Variants in ADGRE1 observed in about 807,000 individuals in gnomAD.
ADGRE1 encodes the protein EGF-like module receptor 1.
Under a neutral mutation model 102.7 loss-of-function variants are expected in ADGRE1, and 82 were observed. The ratio of observed to expected loss-of-function variants is 0.80; its 90% confidence interval spans 0.67 to 0.96. The LOEUF (loss-of-function observed/expected upper bound fraction) is 0.96, where lower values mean the gene tolerates loss of function less well. Among genes scored for constraint, ADGRE1 ranks in the 40% least tolerant of loss-of-function variants. The pLI, the probability that ADGRE1 is intolerant of heterozygous loss-of-function variation, is 0.00. For synonymous variants in ADGRE1, 398 were observed against 399.6 expected (o/e 1.00, Z 0.05); for missense variants, 1,032 against 1,085.3 (o/e 0.95, Z 0.69).
intron 20 of ADGRE1, among the ~76,000 whole-genome samples, chr19:6,938,886 C>T (rs1362679325): frequency 1.3e-5 from 2 of 151,072 alleles, no homozygotes; most frequent in African/African-American, 2.4e-5. Flanking sequence ...ACCTCTGCCT[C>T]CTGGGTTCAA....
intron 10 of ADGRE1, among the ~76,000 whole-genome samples, chr19:6,910,027 T>A (rs753194717): frequency 1.3e-5 from 2 of 152,046 alleles, no homozygotes; most frequent in Admixed American, 1.3e-4. Flanking sequence ...AGCCACCAAG[T>A]CTAGCCAAAA....
rs747103871 is a variant in ADGRE1, at chr19:6,890,489, G to A, written c.40G>A (p.Val14Ile). The change falls in exon 2 of 21, where the codon GTT (valine) becomes ATT (isoleucine). Residue 14 changes from valine (V) to isoleucine (I), a missense_variant. Coordinates refer to ENST00000312053, the MANE Select transcript of ADGRE1 (RefSeq NM_001974.5). The part of the protein sequence containing the change: ...FNLLLFWGCC[V>I]MHSWEGHIRP... ...CTTTTCTTTCTTCACAGGATGTTGT[G>A]TTATGCACAGCTGGGAAGGGCACAT... 4 of 1,441,354 alleles carry A rather than the reference G, an allele frequency of 2.8e-6. No homozygotes were observed. The highest frequency in any genetic ancestry group is 1.6e-5 in the African/African-American group (1 of 61,500). 89.3% of individuals were successfully genotyped at this position (1,441,354 alleles called of 1,614,324 possible).
intron 12 of ADGRE1, among the ~76,000 whole-genome samples, chr19:6,917,174 A>C (rs1386057817): frequency 6.6e-6 from 1 of 152,238 alleles, no homozygotes; most frequent in Non-Finnish European, 1.5e-5. Flanking sequence ...AGTAGGTGAC[A>C]ACCAGATTGG....
chr19:6,939,950 T>C, intron 20 of ADGRE1, 74 bp from the exon 21 acceptor site: 1 of 1,507,620 alleles, frequency 6.6e-7, no homozygotes, highest in Non-Finnish European at 9.2e-7. Flanking sequence ...TCTGTCCCTG[T>C]AGACATGACC....
At chr19:6,901,111 C>T (rs1973750269) in intron 5 of ADGRE1, among the ~76,000 whole-genome samples, 1 of 152,188 alleles carries the variant, frequency 6.6e-6, no homozygotes, top group South Asian at 2.1e-4. Context: ...GTAGAGTATG[C>T]TCTTTCTTTT....
intron 14 of ADGRE1, among the ~76,000 whole-genome samples, chr19:6,922,304 G>T (rs1242112713): frequency 2.0e-5 from 3 of 152,094 alleles, no homozygotes; most frequent in African/African-American, 7.2e-5. Context: ...AATGGGTCAA[G>T]AAGAAATGCT....
Position 6,915,679 on chromosome 19 carries a change from T to A in ADGRE1, c.1301-570T>A, listed in dbSNP as rs552848818. 5.9e-5 allele frequency among the ~76,000 whole-genome samples: 9 copies of A among 152,064 alleles called. No individual in the cohort carries two copies. In the South Asian group the frequency reaches 1.7e-3, roughly 28 times the overall value. The stretch of plus-strand genomic sequence containing the variant: ...GCTCACACCTGTAATCCTAGCACTT[T>A]GGGAGGCCGAGGCAGGTGGATCACA... On this transcript the variant is annotated intron_variant, in intron 11 of 20. Transcript: ENST00000312053.
intron 20 of ADGRE1, 38 bp downstream of exon 20, chr19:6,937,686 G>A: frequency 6.3e-7 from 1 of 1,597,786 alleles, no homozygotes; most frequent in Non-Finnish European, 8.6e-7. Context: ...GCTGGTCGAG[G>A]GAGGTGCCGG....
At chr19:6,933,966 T>TC (rs1217776534) in intron 17 of ADGRE1, among the ~76,000 whole-genome samples, 3 of 152,122 alleles carry the variant, frequency 2.0e-5, no homozygotes, top group Admixed American at 2.0e-4. Context: ...GCAGTCTATG[T>TC]CCTAACGTAC....
At chr19:6,930,604 T>C (rs1975098637) in intron 17 of ADGRE1, among the ~76,000 whole-genome samples, 1 of 152,106 alleles carries the variant, frequency 6.6e-6, no homozygotes, top group Non-Finnish European at 1.5e-5. Context: ...CCAATTATGT[T>C]CTTCTGGTTT....
In ADGRE1 at chr19:6,922,612, TCACACACACACACACA is replaced by T. The variant is rs770150909; in HGVS notation, c.1791+760_1791+775del. Among the ~76,000 whole-genome samples the T allele has an allele frequency of 5.7e-4, 70 of 123,234 alleles. No individual in the cohort carries two copies. In the South Asian group the frequency reaches 0.015, roughly 26 times the overall value. 80.8% of individuals were successfully genotyped at this position (123,234 alleles called of 152,430 possible). A position where few individuals can be genotyped will look rare whatever the true frequency, so the allele number is the denominator to read the frequency against. ...CCTGGCAACAGAGTGAGACTCTGTC[TCACACACACACACACA>T]CACACACACACACACACACACACAC... On this transcript the variant is annotated intron_variant, in intron 14 of 20. Coordinates refer to ENST00000312053, the MANE Select transcript of ADGRE1 (RefSeq NM_001974.5).
chr19:6,916,449 C>A, intron 12 of ADGRE1, 81 bp downstream of exon 12: 1 of 1,519,064 alleles, frequency 6.6e-7, no homozygotes, highest in Non-Finnish European at 8.9e-7. Context: ...GGTGCCAAGA[C>A]CAGTGCCAGA....
At chr19:6,898,335 G>T (rs1973645461) in intron 5 of ADGRE1, 17 of 1,598,060 alleles carry the variant, frequency 1.1e-5, no homozygotes, top group Middle Eastern at 1.7e-4. Context: ...AAAGCCCCCA[G>T]CCCTGTGGTC....
chr19:6,893,247 G>A (rs1973439691), intron 2 of ADGRE1, among the ~76,000 whole-genome samples: 1 of 151,948 alleles, frequency 6.6e-6, no homozygotes. Context: ...GCCCAGGCTG[G>A]AGTGCAATGG....
chr19:6,893,544 A>C (rs573021267), intron 2 of ADGRE1, among the ~76,000 whole-genome samples: 5 of 152,306 alleles, frequency 3.3e-5, no homozygotes, highest in African/African-American at 1.2e-4. Flanking sequence ...TATTGAGTAC[A>C]TATACGACAT....
intron 6 of ADGRE1, among the ~76,000 whole-genome samples, chr19:6,902,692 C>T (rs4807912): frequency 0.33 from 50,337 of 151,830 alleles, 9,190 homozygotes; most frequent in East Asian, 0.47. Context: ...CTGCCTGCCT[C>T]GGCTTCTCAA....
intron 6 of ADGRE1, 35 bp from the exon 7 acceptor site, chr19:6,903,775 C>G: frequency 6.2e-7 from 1 of 1,607,746 alleles, no homozygotes; most frequent in South Asian, 1.1e-5. Flanking sequence ...GGCTCATTGG[C>G]CAACTTGGCT....
intron 13 of ADGRE1, 122 bp downstream of exon 13, chr19:6,919,869 A>G: frequency 1.2e-6 from 1 of 867,732 alleles, no homozygotes. Flanking sequence ...CACAATTTCC[A>G]GCAATTCAAG....
rs330877 is a variant in ADGRE1 at position 6,896,472 on chromosome 19, G to T, written c.169G>T (p.Ala57Ser). 3.1e-6 allele frequency: 5 copies of T among 1,613,814 alleles called. No individual in the cohort carries two copies. The highest frequency in any genetic ancestry group is 1.7e-5 in the Admixed American group (1 of 59,986). The stretch of plus-strand genomic sequence containing the variant: ...CAATACAGTGGACAGTTACTATTGC[G>T]CTTGCAAACAAGGCTTCCTGTCCAG... Reference protein sequence around the residue: ...CTNTVDSYYCACKQGFLSSNG... With the variant: ...CTNTVDSYYCSCKQGFLSSNG... The change falls in exon 3 of 21, where the codon GCT becomes TCT. Residue 57 changes from alanine to serine, a missense_variant. Coordinates refer to ENST00000312053, the MANE Select transcript of ADGRE1 (RefSeq NM_001974.5).
Sources: allele counts gnomAD v4.1 joint callset (sites outside exome capture counted in the v4.1 genomes callset), GRCh38; gene constraint gnomAD v4.1.1; transcripts MANE v1.5; gene names NCBI Gene and HGNC (gene_info 2026-07-23, HGNC 2026-07-21).